MACF1: variants seen among roughly 807,000 people sequenced by gnomAD.
The protein encoded by MACF1 is microtubule actin crosslinking factor 1, also known as microtubule-actin cross-linking factor 1.
A neutral mutation model predicts 854.8 loss-of-function variants in MACF1; 193 were observed. The ratio of observed to expected loss-of-function variants is 0.23; its 90% CI spans 0.20 to 0.25. The LOEUF (loss-of-function observed/expected upper bound fraction) is 0.25, where lower values mean the gene tolerates loss of function less well. Ranked by LOEUF, MACF1 falls within the 10% of genes least tolerant of loss-of-function variation. The pLI is 1.00. For missense variants in MACF1, 7,722 were observed against 8,929.1 expected, an observed-to-expected ratio of 0.86 and a Z score of 5.45; for synonymous variants, 3,185 against 3,226.7, an observed-to-expected ratio of 0.99 and a Z score of 0.44.
intron 17 of MACF1, among the ~76,000 whole-genome samples, chr1:39,293,154 C>G (rs1214528118): frequency 6.6e-6 from 1 of 152,170 alleles, no homozygotes; most frequent in Admixed American, 6.5e-5. Flanking sequence ...AGAGAGGGGA[C>G]TTTCCCTCTG....
rs1645872139 is a variant in MACF1, at chr1:39,295,077, A to G, written c.2186A>G (p.Asp729Gly). The change falls in exon 19 of 101, where the codon GAT becomes GGT. Residue 729 changes from aspartate (D) to glycine (G), a missense_variant. Asp to Gly is a moderately conservative substitution (Grantham distance 94, BLOSUM62 -1). Transcript: ENST00000564288. ...ACAATGGAACTGGAGGAGAAACAGG[A>G]TGTGTTTCGTTCTCTACAAGATACA... ...ELTMELEEKQ[D>G]VFRSLQDTAE... 1 of 1,613,972 alleles carries G rather than the reference A, an allele frequency of 6.2e-7. No individual in the cohort carries two copies. Among genetic ancestry groups the G allele is most frequent in the South Asian group, 1.1e-5 (1 of 91,064 alleles).
In MACF1 at chr1:39,479,803, G is replaced by C. The variant is rs1300102065; in HGVS notation, c.21964G>C (p.Gly7322Arg). The C allele has an allele frequency of 6.2e-7, 1 of 1,613,962 alleles. No individual in the cohort carries two copies. Among genetic ancestry groups the C allele is most frequent in the Non-Finnish European group, 8.5e-7 (1 of 1,179,822 alleles). ...SISSQSPIAR[G>R]RTNIELREKF... ...TGTGTTTATTTCCTTTTTAGCACGAGGTAGAACTAACATTGAACTTAGAGA... is the reference window on the plus strand; with the variant it reads ...TGTGTTTATTTCCTTTTTAGCACGACGTAGAACTAACATTGAACTTAGAGA... Residue 7322 changes from glycine to arginine, a missense_variant, in exon 98 of 101, where the codon GGT becomes CGT. Coordinates refer to ENST00000564288, the MANE Select transcript of MACF1 (RefSeq NM_001394062.1).
chr1:39,266,924 G>A (rs976923070), intron 6 of MACF1, among the ~76,000 whole-genome samples: 1 of 152,144 alleles, frequency 6.6e-6, no homozygotes, highest in Non-Finnish European at 1.5e-5. Context: ...CTGCCCTACT[G>A]CAATGGGAGT....
intron 49 of MACF1, 91 bp from the exon 50 acceptor site, chr1:39,368,057 G>T: frequency 3.2e-6 from 3 of 923,454 alleles, no homozygotes; most frequent in South Asian, 2.1e-5. Context: ...TCTAGCATTT[G>T]ACCTGGCAAG....
chr1:39,381,334 G>T (rs1002887479), intron 55 of MACF1, among the ~76,000 whole-genome samples: 1 of 148,548 alleles, frequency 6.7e-6, no homozygotes, highest in South Asian at 2.2e-4. Flanking sequence ...TGGGATTACA[G>T]GTGTGAGCCA....
At chr1:39,391,804 A>G (rs12072715) in intron 58 of MACF1, among the ~76,000 whole-genome samples, 5,302 of 152,294 alleles carry the variant, frequency 0.035, 293 homozygotes, top group African/African-American at 0.12. Flanking sequence ...GTTCAATAGC[A>G]CTTAGTTGCT....
intron 2 of MACF1, among the ~76,000 whole-genome samples, chr1:39,119,872 CTTTTTTTTTTT>C (rs571383832): frequency 9.2e-5 from 6 of 65,568 alleles, no homozygotes; most frequent in African/African-American, 2.9e-4. Context: ...AATAAAGCCT[CTTTTTTTTTTT>C]TTTTTTTTTT....
chr1:39,133,769 G>A (rs1301017243), intron 2 of MACF1, among the ~76,000 whole-genome samples: 1 of 152,098 alleles, frequency 6.6e-6, no homozygotes, highest in East Asian at 1.9e-4. Flanking sequence ...ACGATACATT[G>A]TTTGCTGTAC....
chr1:39,124,939 T>C (rs1454950364), intron 2 of MACF1, among the ~76,000 whole-genome samples: 1 of 152,220 alleles, frequency 6.6e-6, no homozygotes, highest in Non-Finnish European at 1.5e-5. Flanking sequence ...TCTATTTTCA[T>C]GTATTGCTAT....
At chr1:39,207,949 C>T (rs1644471385) in intron 1 of MACF1, among the ~76,000 whole-genome samples, 1 of 151,960 alleles carries the variant, frequency 6.6e-6, no homozygotes, top group South Asian at 2.1e-4. Context: ...GCCTGGTCAA[C>T]ATGGTGAAAC....
chr1:39,468,596 GT>G lies in MACF1; in HGVS notation c.21772-16del, dbSNP rs763231416. ...GCTTTAAGACATATATATTAATTAA[GT>G]TTCCTTTGATTCTACAGTTTGGGGA... On this transcript the variant is annotated intron_variant, in intron 95 of 100. Coordinates refer to ENST00000564288, the MANE Select transcript of MACF1 (RefSeq NM_001394062.1). 6.3e-7 allele frequency: 1 copy of G among 1,594,858 alleles called. No individual in the cohort carries two copies. The highest frequency in any genetic ancestry group is 8.6e-7 in the Non-Finnish European group (1 of 1,162,628).
chr1:39,477,971 T>C (rs1309470023), intron 97 of MACF1, among the ~76,000 whole-genome samples: 1 of 151,908 alleles, frequency 6.6e-6, no homozygotes, highest in East Asian at 1.9e-4. Flanking sequence ...TTTTTTTTTT[T>C]TTCCTGGCAG....
At chr1:39,119,715 T>C (rs1294006887) in intron 2 of MACF1, among the ~76,000 whole-genome samples, 2 of 152,196 alleles carry the variant, frequency 1.3e-5, no homozygotes, top group Non-Finnish European at 2.9e-5. Flanking sequence ...TCTTCTTCTA[T>C]GTTCCCGATT....
At chr1:39,123,984 G>A (rs148865984) in intron 2 of MACF1, among the ~76,000 whole-genome samples, 1 of 151,302 alleles carries the variant, frequency 6.6e-6, no homozygotes, top group Non-Finnish European at 1.5e-5. Flanking sequence ...CTCATGATCC[G>A]CCTGCCTTGG....
intron 58 of MACF1, chr1:39,414,508 C>A (rs780231104): frequency 6.2e-7 from 1 of 1,612,630 alleles, no homozygotes; most frequent in South Asian, 1.1e-5. Flanking sequence ...TGGGAAGGGT[C>A]TAAAGAGTAA....
intron 2 of MACF1, chr1:39,103,073 A>G: frequency 1.5e-6 from 1 of 650,522 alleles, no homozygotes. Flanking sequence ...TCAAGAAAGC[A>G]ATTTGAGTCT....
chr1:39,438,119 C>T (rs1482382680), intron 71 of MACF1, 111 bp downstream of exon 71: 2 of 953,956 alleles, frequency 2.1e-6, no homozygotes, highest in East Asian at 5.3e-5. Flanking sequence ...AAGGCAGTCC[C>T]CAGTAATGAG....
chr1:39,411,723 A>G (rs764083471), intron 58 of MACF1: 5 of 1,613,936 alleles, frequency 3.1e-6, no homozygotes, highest in Non-Finnish European at 4.2e-6. Flanking sequence ...TAGTTGAGCT[A>G]CAGAATCAAA....
Position 39,263,537 on chromosome 1 carries a change from C to T in MACF1, c.528+5509C>T, listed in dbSNP as rs113928031. Among the ~76,000 whole-genome samples the T allele has an allele frequency of 5.1e-3, 775 of 152,144 alleles. 6 individuals are homozygous for T. The highest frequency in any genetic ancestry group is 0.017 in the African/African-American group (715 of 41,498). ...TTATATTTGCTTCAGGGTTTTTTCT[C>T]TCTCTTCCTCTTTAAAGTAATAAAA... On this transcript the variant is annotated intron_variant, in intron 6 of 100. Coordinates refer to ENST00000564288, the MANE Select transcript of MACF1 (RefSeq NM_001394062.1).
Sources: allele counts gnomAD v4.1 joint callset (sites outside exome capture counted in the v4.1 genomes callset), GRCh38; gene constraint gnomAD v4.1.1; transcripts MANE v1.5; gene names NCBI Gene and HGNC (gene_info 2026-07-23, HGNC 2026-07-21).